KCNQ1: variants seen among roughly 807,000 people sequenced by gnomAD.
KCNQ1 encodes the protein potassium voltage-gated channel subfamily Q member 1, also known as potassium voltage-gated channel subfamily KQT member 1.
A neutral mutation model predicts 72.4 loss-of-function variants in KCNQ1; 49 were observed. The ratio of observed to expected loss-of-function variants is 0.68; its 90% CI spans 0.54 to 0.86. The LOEUF (loss-of-function observed/expected upper bound fraction) is 0.86, where lower values mean the gene tolerates loss of function less well. Ranked by LOEUF, KCNQ1 falls within the 40% of genes least tolerant of loss-of-function variation. The probability of loss-of-function intolerance (pLI) is 0.00; values close to 1 mark genes in which losing one functional copy is unlikely to be tolerated. For synonymous variants in KCNQ1, 450 were observed against 412.6 expected, an observed-to-expected ratio of 1.09 and a Z score of -1.10; for missense variants, 790 against 945.1, an observed-to-expected ratio of 0.84 and a Z score of 2.15.
At position 2,652,660 on chromosome 11, in the gene KCNQ1, G is replaced by A. The variant is rs1356689548; in HGVS notation, c.1394-9301G>A. The stretch of plus-strand genomic sequence containing the variant: ...GTGACTTCCTGCAGCATGGAGACCC[G>A]GGTGGGTCGATTTTAGTTGTGTGGG... On this transcript the variant is annotated intron_variant, in intron 10 of 15. Coordinates refer to ENST00000155840, the MANE Select transcript of KCNQ1 (RefSeq NM_000218.3). The surrounding 1 kb of genome is among the most constrained non-coding windows in gnomAD (Gnocchi z 5.9). 7.5e-6 allele frequency: 3 copies of A among 398,748 alleles called. No homozygotes were observed. The highest frequency in any genetic ancestry group is 1.3e-4 in the South Asian group (1 of 7,854). The allele number at this position is 398,748 out of a possible 1,614,324, so 24.7% of individuals were successfully genotyped here.
intron 15 of KCNQ1, among the ~76,000 whole-genome samples, chr11:2,789,481 C>T (rs1214687178): frequency 6.6e-6 from 1 of 152,194 alleles, no homozygotes; most frequent in African/African-American, 2.4e-5. Flanking sequence ...CCCCAGTGCC[C>T]GCCACAGACG....
At chr11:2,590,049 G>A (rs1848651092) in intron 10 of KCNQ1, among the ~76,000 whole-genome samples, 2 of 152,204 alleles carry the variant, frequency 1.3e-5, no homozygotes, top group Non-Finnish European at 2.9e-5. Flanking sequence ...TGACTTCAGT[G>A]CCCACTTCTG....
chr11:2,601,317 T>C lies in KCNQ1; in HGVS notation c.1393+12463T>C, dbSNP rs1025503146. 1.3e-5 allele frequency among the ~76,000 whole-genome samples: 2 copies of C among 152,240 alleles called. No individual in the cohort carries two copies. Among genetic ancestry groups the C allele is most frequent in the African/African-American group, 4.8e-5 (2 of 41,468 alleles). On this transcript the variant is annotated intron_variant, in intron 10 of 15. Coordinates refer to ENST00000155840, the MANE Select transcript of KCNQ1 (RefSeq NM_000218.3). The surrounding 1 kb of genome is among the most constrained non-coding windows in gnomAD (Gnocchi z 5.2). ...CTAGTGCCCAATTGTGTATCTTCTT[T>C]AGTGAAATATTTATTCAGATCTTTT...
intron 10 of KCNQ1, chr11:2,619,251 A>G: frequency 5.0e-6 from 2 of 398,452 alleles, no homozygotes; most frequent in Non-Finnish European, 8.8e-6. Flanking sequence ...CTTGCCTTGT[A>G]CTGGTTCATA....
intron 15 of KCNQ1, among the ~76,000 whole-genome samples, chr11:2,819,049 C>T (rs1223319507): frequency 6.6e-6 from 1 of 152,220 alleles, no homozygotes; most frequent in African/African-American, 2.4e-5. Flanking sequence ...TGGACATTCT[C>T]CAGGGAGATT....
Position 2,661,391 on chromosome 11 carries a change from T to G in KCNQ1, c.1394-570T>G. ...CCAGGAATCATAATGTGAAGCCAGC[T>G]GTTGGAGGGACTCCTGTGCCTCATT... is the stretch of plus-strand genomic sequence containing the variant. On this transcript the variant is annotated intron_variant, in intron 10 of 15. Transcript: ENST00000155840. The surrounding 1 kb of genome is among the most constrained non-coding windows in gnomAD (Gnocchi z 5.9). 2.4e-6 allele frequency: 1 copy of G among 408,354 alleles called. No homozygotes were observed. The highest frequency in any genetic ancestry group is 3.5e-5 in the East Asian group (1 of 28,604). 25.3% of individuals were successfully genotyped at this position (408,354 alleles called of 1,614,324 possible).
rs1234577967 is a variant in KCNQ1 at position 2,808,421 on chromosome 11, G to A, written c.1794+30384G>A. 6.6e-6 allele frequency among the ~76,000 whole-genome samples: 1 copy of A among 152,230 alleles called. No homozygotes were observed. The highest frequency in any genetic ancestry group is 1.5e-5 in the Non-Finnish European group (1 of 68,050). On this transcript the variant is annotated intron_variant, in intron 15 of 15. Transcript: ENST00000155840. This position sits in a 1 kb window ranked among gnomAD's most constrained non-coding sequence, Gnocchi z 6.0. Reference sequence around the variant, plus strand: ...GGGCACTGTGCCGGAGAGGAACAGGGGTGGTCAGGGAAGACCTCCGAGGGA... The same window carrying A: ...GGGCACTGTGCCGGAGAGGAACAGGAGTGGTCAGGGAAGACCTCCGAGGGA...
Position 2,848,307 on chromosome 11 carries a change from C to A in KCNQ1, c.*304C>A. 1 of 624,040 alleles carries A rather than the reference C, an allele frequency of 1.6e-6. No homozygotes were observed. The highest frequency in any genetic ancestry group is 3.0e-6 in the Non-Finnish European group (1 of 335,902). 38.7% of individuals were successfully genotyped at this position (624,040 alleles called of 1,614,324 possible). A position where few individuals can be genotyped will look rare whatever the true frequency, so the allele number is the denominator to read the frequency against. On this transcript the variant is annotated 3_prime_UTR_variant, in exon 16 of 16. Transcript: ENST00000155840. ...TGGTGGTTGGGACCCAGTGGCAGGGCACAGGGCCTGGCCCATGTATGGCCA... is the reference window on the plus strand; with the variant it reads ...TGGTGGTTGGGACCCAGTGGCAGGGAACAGGGCCTGGCCCATGTATGGCCA...
chr11:2,620,143 A>G lies in KCNQ1; in HGVS notation c.1393+31289A>G. On this transcript the variant is annotated intron_variant, in intron 10 of 15. Coordinates refer to ENST00000155840, the MANE Select transcript of KCNQ1 (RefSeq NM_000218.3). This position sits in a 1 kb window ranked among gnomAD's most constrained non-coding sequence, Gnocchi z 4.5. ...TTTCTGTTCCTGCATTAATTTGCTT[A>G]AGATAGTGGCCTCTAGCTGCATCCA... The G allele has an allele frequency of 2.5e-6, 1 of 397,408 alleles. No homozygotes were observed. The highest frequency in any genetic ancestry group is 3.6e-5 in the East Asian group (1 of 28,042). The allele number at this position is 397,408 out of a possible 1,614,324, so 24.6% of individuals were successfully genotyped here. A position where few individuals can be genotyped will look rare whatever the true frequency, so the allele number is the denominator to read the frequency against.
At chr11:2,456,850 A>G (rs192128541) in intron 1 of KCNQ1, among the ~76,000 whole-genome samples, 1 of 149,360 alleles carries the variant, frequency 6.7e-6, no homozygotes, top group Non-Finnish European at 1.5e-5. Flanking sequence ...GAGGCAGGAG[A>G]ATGGCGTGAA....
At chr11:2,754,670 C>G (rs1564882467) in intron 11 of KCNQ1, among the ~76,000 whole-genome samples, 1 of 152,124 alleles carries the variant, frequency 6.6e-6, no homozygotes, top group Non-Finnish European at 1.5e-5. Flanking sequence ...AGTTGGGCCC[C>G]CACCTCATGC....
At chr11:2,771,885 A>T (rs1386979529) in intron 12 of KCNQ1, among the ~76,000 whole-genome samples, 2 of 152,110 alleles carry the variant, frequency 1.3e-5, no homozygotes, top group African/African-American at 2.4e-5. Flanking sequence ...CTGTCTTAGG[A>T]CACAGGCCGG....
chr11:2,571,978 C>G (rs772078343), intron 4 of KCNQ1, 35 bp from the exon 5 acceptor site: 1 of 1,573,476 alleles, frequency 6.4e-7, no homozygotes, highest in South Asian at 1.1e-5. Flanking sequence ...TGAGCCCAGC[C>G]TGGCTCCCTC....
Position 2,648,051 on chromosome 11 carries a change from C to CAA in KCNQ1, c.1394-13894_1394-13893dup, listed in dbSNP as rs34011245. On this transcript the variant is annotated intron_variant, in intron 10 of 15. Transcript: ENST00000155840. ...CAACATGGCAAACCCCCATCTCTAC[C>CAA]AAAAAAAAAAAAAAAAATTAGCGAG... The CAA allele has an allele frequency of 2.0e-3, 746 of 367,936 alleles. No homozygotes were observed. The highest frequency in any genetic ancestry group is 2.6e-3 in the South Asian group (16 of 6,186). 22.8% of individuals were successfully genotyped at this position (367,936 alleles called of 1,614,324 possible).
chr11:2,528,754 AAG>A (rs1269751601), intron 2 of KCNQ1, among the ~76,000 whole-genome samples: 1 of 152,164 alleles, frequency 6.6e-6, no homozygotes, highest in Non-Finnish European at 1.5e-5. Context: ...TCTACAAAGG[AAG>A]AGAGTGTCAC....
At chr11:2,533,934 C>G (rs574109461) in intron 2 of KCNQ1, among the ~76,000 whole-genome samples, 3 of 152,208 alleles carry the variant, frequency 2.0e-5, no homozygotes, top group Non-Finnish European at 2.9e-5. Context: ...TAAAAAACCC[C>G]GTGAGCTGCG....
Position 2,588,960 on chromosome 11 carries a change from A to G in KCNQ1, c.1393+106A>G, listed in dbSNP as rs1848634873. 6.0e-6 allele frequency: 8 copies of G among 1,337,542 alleles called. No homozygotes were observed. The South Asian group carries it at 9.9e-5, about 16-fold the overall frequency. The allele number at this position is 1,337,542 out of a possible 1,614,324, so 82.9% of individuals were successfully genotyped here. On this transcript the variant is annotated intron_variant, in intron 10 of 15. Coordinates refer to ENST00000155840, the MANE Select transcript of KCNQ1 (RefSeq NM_000218.3). This position sits in a 1 kb window ranked among gnomAD's most constrained non-coding sequence, Gnocchi z 5.6. ...TTTCTCCCTTGGGCTGTGGTCTCTGACAACGAGGTATGAACAGACAGAGGG... is the reference window on the plus strand; with the variant it reads ...TTTCTCCCTTGGGCTGTGGTCTCTGGCAACGAGGTATGAACAGACAGAGGG...
At position 2,603,790 on chromosome 11, in the gene KCNQ1, A is replaced by G. The variant is rs1252684673; in HGVS notation, c.1393+14936A>G. Among the ~76,000 whole-genome samples the G allele has an allele frequency of 3.9e-5, 6 of 151,912 alleles. No homozygotes were observed. Among genetic ancestry groups the G allele is most frequent in the African/African-American group, 1.5e-4 (6 of 41,342 alleles). ...ACTGCAACCTCCGCCTCCCGGGTTCAAGCAATTCACCCGCCTCAGCCTCCC... is the reference window on the plus strand; with the variant it reads ...ACTGCAACCTCCGCCTCCCGGGTTCGAGCAATTCACCCGCCTCAGCCTCCC... On this transcript the variant is annotated intron_variant, in intron 10 of 15. Transcript: ENST00000155840. This position sits in a 1 kb window ranked among gnomAD's most constrained non-coding sequence, Gnocchi z 4.1.
intron 10 of KCNQ1, chr11:2,636,735 G>T (rs1229259264): frequency 6.6e-6 from 1 of 152,140 alleles, no homozygotes; most frequent in East Asian, 1.9e-4. Flanking sequence ...TTTTTCTATT[G>T]TTTGGAATAG....
Sources: allele counts gnomAD v4.1 joint callset (sites outside exome capture counted in the v4.1 genomes callset), GRCh38; gene constraint gnomAD v4.1.1; non-coding constraint Gnocchi (gnomAD v3.1); transcripts MANE v1.5; gene names NCBI Gene and HGNC (gene_info 2026-07-23, HGNC 2026-07-21).